The following NAV3 variants were observed in gnomAD, a reference collection of about 807,000 sequenced individuals.
NAV3 encodes the protein pore membrane and/or filament interacting like protein 1.
NAV3 carries 87 observed loss-of-function variants against 244.7 expected under a neutral mutation model. The observed-to-expected ratio is 0.36, with a 90% CI of 0.30 to 0.42. NAV3 has a LOEUF of 0.42. NAV3 is among the 20% of genes least tolerant of loss of function. The pLI is 1.00. For missense variants in NAV3, 2,663 were observed against 2,893.3 expected (o/e 0.92, Z 1.83); for synonymous variants, 1,126 against 1,042.2 (o/e 1.08, Z -1.55).
chr12:78,198,106 AAAAT>A (rs1959211958), intron 35 of NAV3, among the ~76,000 whole-genome samples: 1 of 151,918 alleles, frequency 6.6e-6, no homozygotes, highest in Admixed American at 6.6e-5. Context: ...ATATCAACAT[AAAAT>A]AAATAGTTTT....
Position 77,920,369 on chromosome 12 carries a change from G to A in NAV3, c.244-19950G>A, listed in dbSNP as rs559905439. Among the ~76,000 whole-genome samples the A allele has an allele frequency of 9.9e-5, 15 of 151,858 alleles. No individual in the cohort carries two copies. The South Asian group carries it at 3.1e-3, about 32-fold the overall frequency. ...CAGTTTTATTTTGTTTGAAAAAATG[G>A]ATTTTGTTTCAACAGTGGCTTAAAA... On this transcript the variant is annotated intron_variant, in intron 1 of 39. Coordinates refer to ENST00000397909, the MANE Select transcript of NAV3 (RefSeq NM_001024383.2).
chr12:77,809,570 C>T (rs958293552), intron 2 of NAV3, among the ~76,000 whole-genome samples: 2 of 152,204 alleles, frequency 1.3e-5, no homozygotes, highest in African/African-American at 2.4e-5. Context: ...CACCGGCCTT[C>T]TGCATTGATC....
At chr12:77,935,586 A>G (rs950080465) in intron 1 of NAV3, among the ~76,000 whole-genome samples, 6 of 152,230 alleles carry the variant, frequency 3.9e-5, no homozygotes, top group Admixed American at 1.3e-4. Context: ...AATATTTAAC[A>G]TAGTGAAAGT....
intron 2 of NAV3, among the ~76,000 whole-genome samples, chr12:77,750,555 A>AG (rs1868796975): frequency 6.6e-6 from 1 of 151,760 alleles, no homozygotes; most frequent in African/African-American, 2.4e-5. Context: ...AAAAAAAAAA[A>AG]GTAAAAAGAA....
intron 9 of NAV3, among the ~76,000 whole-genome samples, chr12:78,030,395 T>A (rs1198994925): frequency 1.3e-5 from 2 of 152,172 alleles, no homozygotes; most frequent in African/African-American, 4.8e-5. Context: ...GCCCACAGAA[T>A]ACCCCTTCCA....
rs529685090 is a variant in NAV3 at position 78,170,006 on chromosome 12, A to C, written c.4981+1140A>C. Among the ~76,000 whole-genome samples the C allele has an allele frequency of 3.1e-4, 47 of 151,690 alleles. No homozygotes were observed. In the Middle Eastern group the frequency reaches 0.017, roughly 55 times the overall value. ...ATATCCTAAGCTCTCTTCCATTATG[A>C]TTCTATGCATCCTATTTAAAATATA... On this transcript the variant is annotated intron_variant, in intron 24 of 39. Coordinates refer to ENST00000397909, the MANE Select transcript of NAV3 (RefSeq NM_001024383.2).
At chr12:77,603,755 T>A (rs1305032245) in intron 2 of NAV3, among the ~76,000 whole-genome samples, 1 of 152,074 alleles carries the variant, frequency 6.6e-6, no homozygotes, top group African/African-American at 2.4e-5. Context: ...ATATTCTTCC[T>A]CCTTCTCTCA....
chr12:78,092,309 C>T (rs1288779054), intron 12 of NAV3, among the ~76,000 whole-genome samples: 1 of 151,680 alleles, frequency 6.6e-6, no homozygotes. Context: ...TCTTATCAAA[C>T]AGAAAGGACG....
chr12:77,711,638 C>G (rs1876118368), intron 2 of NAV3, among the ~76,000 whole-genome samples: 1 of 152,168 alleles, frequency 6.6e-6, no homozygotes, highest in African/African-American at 2.4e-5. Flanking sequence ...CAGTCCTATT[C>G]AGCTGCCCTG....
At chr12:77,603,395 A>C (rs1344736194) in intron 2 of NAV3, among the ~76,000 whole-genome samples, 1 of 152,024 alleles carries the variant, frequency 6.6e-6, no homozygotes, top group Non-Finnish European at 1.5e-5. Context: ...CTTGTGGAAT[A>C]ATACACCTTG....
At chr12:78,004,845 G>A (rs921210086) in intron 7 of NAV3, among the ~76,000 whole-genome samples, 4 of 152,228 alleles carry the variant, frequency 2.6e-5, no homozygotes, top group Admixed American at 1.3e-4. Context: ...GTGTGTACTC[G>A]CCTGAGAATG....
chr12:77,637,774 T>C (rs1404172755), intron 2 of NAV3, among the ~76,000 whole-genome samples: 1 of 152,208 alleles, frequency 6.6e-6, no homozygotes, highest in East Asian at 1.9e-4. Context: ...TTATTTTAAA[T>C]GTATTACATT....
chr12:78,000,803 A>G (rs1329533949), intron 7 of NAV3, among the ~76,000 whole-genome samples: 1 of 151,356 alleles, frequency 6.6e-6, no homozygotes, highest in East Asian at 2.0e-4. Context: ...GCGCCCGGCC[A>G]AAACATTTTA....
chr12:78,097,996 A>C (rs780939499), intron 12 of NAV3, among the ~76,000 whole-genome samples: 1 of 152,146 alleles, frequency 6.6e-6, no homozygotes, highest in East Asian at 1.9e-4. Context: ...TTTATTAAGC[A>C]GAACGCCTAT....
At chr12:78,201,539 A>AT (rs1323699724) in intron 38 of NAV3, among the ~76,000 whole-genome samples, 3 of 151,748 alleles carry the variant, frequency 2.0e-5, no homozygotes, top group African/African-American at 7.3e-5. Flanking sequence ...AGGCCCTTCT[A>AT]TTTTTTCCTA....
intron 2 of NAV3, among the ~76,000 whole-genome samples, chr12:77,631,094 G>A (rs1218965851): frequency 3.9e-5 from 6 of 152,226 alleles, no homozygotes; most frequent in African/African-American, 1.4e-4. Flanking sequence ...TGCAGTTACA[G>A]ATGTAAGCAT....
At chr12:78,070,281 G>T (rs1952689059) in intron 12 of NAV3, among the ~76,000 whole-genome samples, 2 of 151,918 alleles carry the variant, frequency 1.3e-5, no homozygotes, top group Admixed American at 1.3e-4. Context: ...AACCTTCTAG[G>T]TTTGATACTA....
In NAV3 at chr12:78,122,178, G is replaced by C. The variant is rs2138692464; in HGVS notation, c.3988G>C (p.Ala1330Pro). The C allele has an allele frequency of 6.2e-7, 1 of 1,614,054 alleles. No individual in the cohort carries two copies. Residue 1330 changes from alanine to proline, a missense_variant, in exon 16 of 40, where the codon GCC becomes CCC. Physicochemically the swap from Ala to Pro is conservative, Grantham distance 27 (BLOSUM62 -1). This residue lies in a region of NAV3 where 354 missense variants were observed against 413.0 expected (regional missense o/e 0.86). Transcript: ENST00000397909. ...TDVISLSHSL[A>P]SSPASVHSFT... ...TGTTATAAGCTTAAGTCACTCGTTG[G>C]CCTCCAGCCCAGCATCGGTTCACTC... is the stretch of plus-strand genomic sequence containing the variant.
At chr12:77,594,184 CTTTA>C (rs990708915) in intron 2 of NAV3, among the ~76,000 whole-genome samples, 19 of 152,130 alleles carry the variant, frequency 1.2e-4, no homozygotes, top group African/African-American at 1.7e-4. Context: ...ATTGTAGGCA[CTTTA>C]TTTAATTATT....
Sources: gnomAD v4.1 joint callset for allele counts (sites outside exome capture counted in the v4.1 genomes callset) on GRCh38, gnomAD v4.1.1 for gene constraint, gnomAD v4.1.1 regional missense constraint, MANE v1.5 for transcripts, NCBI Gene and HGNC (gene_info 2026-07-23, HGNC 2026-07-21) for gene names.